SLC35F3: variants seen among roughly 807,000 people sequenced by gnomAD.
SLC35F3 encodes the protein solute carrier family 35 member F3.
SLC35F3 carries 25 observed loss-of-function variants against 49.9 expected under a neutral mutation model. The ratio of observed to expected loss-of-function variants is 0.50; its 90% CI spans 0.37 to 0.70. SLC35F3 has a LOEUF of 0.70. SLC35F3 is among the 30% of genes least tolerant of loss of function. The pLI is 0.00. For synonymous variants in SLC35F3, 275 were observed against 265.4 expected, an observed-to-expected ratio of 1.04 and a Z score of -0.35; for missense variants, 525 against 639.8, an observed-to-expected ratio of 0.82 and a Z score of 1.94.
At chr1:233,925,132 G>C (rs969640394) in intron 2 of SLC35F3, among the ~76,000 whole-genome samples, 1 of 152,212 alleles carries the variant, frequency 6.6e-6, no homozygotes, top group African/African-American at 2.4e-5. Context: ...GGAGGGTTCT[G>C]TAGATGTCTA....
At chr1:234,253,651 C>A (rs1167832761) in intron 3 of SLC35F3, among the ~76,000 whole-genome samples, 2 of 152,008 alleles carry the variant, frequency 1.3e-5, no homozygotes, top group Non-Finnish European at 2.9e-5. Context: ...AGAGTGGGGG[C>A]AGTTCCAAAA....
intron 2 of SLC35F3, among the ~76,000 whole-genome samples, chr1:234,156,052 ACAAAT>A (rs1439846379): frequency 1.3e-5 from 2 of 152,166 alleles, no homozygotes; most frequent in Non-Finnish European, 2.9e-5. Context: ...TATAACATAT[ACAAAT>A]CAAAAGTTTA....
intron 2 of SLC35F3, among the ~76,000 whole-genome samples, chr1:234,115,460 T>C (rs901080019): frequency 1.3e-5 from 2 of 152,190 alleles, no homozygotes; most frequent in Non-Finnish European, 2.9e-5. Context: ...TCCACTGCCT[T>C]GTCTACCCTC....
At chr1:234,132,553 G>C (rs1665751581) in intron 2 of SLC35F3, among the ~76,000 whole-genome samples, 1 of 152,114 alleles carries the variant, frequency 6.6e-6, no homozygotes. Context: ...TCTAATCTTT[G>C]CAGTTTGATT....
intron 3 of SLC35F3, among the ~76,000 whole-genome samples, chr1:234,235,327 A>C (rs1396148071): frequency 6.6e-6 from 1 of 152,206 alleles, no homozygotes; most frequent in Non-Finnish European, 1.5e-5. Context: ...TGAGGAAGCA[A>C]TAGTGCCCAG....
intron 3 of SLC35F3, among the ~76,000 whole-genome samples, chr1:234,248,700 G>A (rs1667686476): frequency 2.0e-5 from 3 of 152,232 alleles, no homozygotes; most frequent in African/African-American, 7.2e-5. Flanking sequence ...ATTTTTCCCA[G>A]GCTTATTTCA....
chr1:234,222,219 G>A (rs1270444199), intron 2 of SLC35F3, among the ~76,000 whole-genome samples: 1 of 152,150 alleles, frequency 6.6e-6, no homozygotes, highest in African/African-American at 2.4e-5. Context: ...CCTGGGGCTG[G>A]TCTCAGTCCC....
At chr1:234,177,217 C>T (rs1477215377) in intron 2 of SLC35F3, among the ~76,000 whole-genome samples, 36 of 152,222 alleles carry the variant, frequency 2.4e-4, no homozygotes, top group Non-Finnish European at 2.9e-5. Context: ...CTTGCTCCTC[C>T]TTGCCTTCCA....
At chr1:234,035,609 G>A (rs1388466417) in intron 2 of SLC35F3, among the ~76,000 whole-genome samples, 1 of 151,932 alleles carries the variant, frequency 6.6e-6, no homozygotes, top group Non-Finnish European at 1.5e-5. Flanking sequence ...CCTGGCCCTG[G>A]CCCTCTAATT....
chr1:234,265,581 C>T (rs1003601656), intron 3 of SLC35F3, among the ~76,000 whole-genome samples: 2 of 152,056 alleles, frequency 1.3e-5, no homozygotes, highest in African/African-American at 4.8e-5. Flanking sequence ...CACTTCTCAC[C>T]AGCCCCACCA....
chr1:234,147,567 A>G (rs1666017608), intron 2 of SLC35F3, among the ~76,000 whole-genome samples: 1 of 151,922 alleles, frequency 6.6e-6, no homozygotes, highest in African/African-American at 2.4e-5. Context: ...AGTTATTTTG[A>G]CCTGTAAGCT....
chr1:234,000,915 CA>C lies in SLC35F3; in HGVS notation c.283+95158del, dbSNP rs572491128. 2.1e-4 allele frequency among the ~76,000 whole-genome samples: 32 copies of C among 152,294 alleles called. 1 individual carries two copies. The East Asian group carries it at 5.4e-3, about 26-fold the overall frequency. On this transcript the variant is annotated intron_variant, in intron 2 of 7. Transcript: ENST00000366618. ...AGGGAGGATGGCTGCCACTGTTTGACAGTGACAATGACATTCTCCTCAAGGG... is the reference window on the plus strand; with the variant it reads ...AGGGAGGATGGCTGCCACTGTTTGACGTGACAATGACATTCTCCTCAAGGG...
Position 233,975,465 on chromosome 1 carries a change from C to T in SLC35F3, c.283+69707C>T, listed in dbSNP as rs768063494. 1.2e-3 allele frequency among the ~76,000 whole-genome samples: 179 copies of T among 152,328 alleles called. 1 individual carries two copies. The highest frequency in any genetic ancestry group is 2.3e-3 in the Non-Finnish European group (158 of 68,028). On this transcript the variant is annotated intron_variant, in intron 2 of 7. Transcript: ENST00000366618. ...AAATAACCTGTGTCAATCACGGCCC[C>T]GTGAGTCTGGCAGATTGTGTTTGGG...
At chr1:234,234,755 G>T (rs1207336332) in intron 3 of SLC35F3, among the ~76,000 whole-genome samples, 1 of 152,092 alleles carries the variant, frequency 6.6e-6, no homozygotes, top group Non-Finnish European at 1.5e-5. Flanking sequence ...AGGCTCCGTG[G>T]GCAAGTCCTC....
chr1:234,253,225 C>G (rs577270625), intron 3 of SLC35F3, among the ~76,000 whole-genome samples: 2 of 152,150 alleles, frequency 1.3e-5, no homozygotes, highest in South Asian at 4.1e-4. Flanking sequence ...ACTCAGGAGG[C>G]TGAGGCAGGA....
rs766273673 is a variant in SLC35F3 at position 234,231,553 on chromosome 1, G to T, written c.420G>T (p.Ala140=). 26 of 1,613,994 alleles carry T rather than the reference G, an allele frequency of 1.6e-5. No individual in the cohort carries two copies. In the East Asian group the frequency reaches 3.8e-4, roughly 24 times the overall value. ...TCAAGAAGATCTTCTGGGGCGTGGC[G>T]GTCGTGCTGTGCGTGTGCTCCTCGT... ...AQLKKIFWGV[A]VVLCVCSSWA... Residue 140 remains alanine (A), a synonymous_variant, in exon 3 of 8, where the codon GCG becomes GCT. Transcript: ENST00000366618. This position sits in a 1 kb window ranked among gnomAD's most constrained non-coding sequence, Gnocchi z 5.4.
At chr1:234,254,086 A>T (rs953373453) in intron 3 of SLC35F3, among the ~76,000 whole-genome samples, 1 of 151,842 alleles carries the variant, frequency 6.6e-6, no homozygotes, top group African/African-American at 2.4e-5. Flanking sequence ...CTCGCTTGTG[A>T]CTCTCTGGAT....
intron 2 of SLC35F3, among the ~76,000 whole-genome samples, chr1:234,181,338 G>GAAAAAAAAAAAAAAAAAAAGAAAA (rs34757532): frequency 1.0e-5 from 1 of 97,310 alleles, no homozygotes; most frequent in Non-Finnish European, 2.1e-5. Context: ...TCTGTCTCAA[G>GAAAAAAAAAAAAAAAAAAAGAAAA]AAAAAAAAAA....
intron 2 of SLC35F3, among the ~76,000 whole-genome samples, chr1:234,191,603 AG>A (rs1266321467): frequency 1.3e-4 from 19 of 151,712 alleles, no homozygotes; most frequent in Non-Finnish European, 5.9e-5. Context: ...AGATCAGAGA[AG>A]AACTAAATGA....
Sources: allele counts gnomAD v4.1 joint callset (sites outside exome capture counted in the v4.1 genomes callset), GRCh38; gene constraint gnomAD v4.1.1; non-coding constraint Gnocchi (gnomAD v3.1); transcripts MANE v1.5; gene names NCBI Gene and HGNC (gene_info 2026-07-23, HGNC 2026-07-21).